GPR158: variants seen among roughly 807,000 people sequenced by gnomAD.
GPR158 encodes the protein G protein-coupled receptor 158, also known as metabotropic glycine receptor.
Under a neutral mutation model 78.2 loss-of-function variants are expected in GPR158, and 30 were observed. The ratio of observed to expected loss-of-function variants is 0.38; its 90% CI spans 0.29 to 0.52. The LOEUF is 0.52. Among genes scored for constraint, GPR158 ranks in the 20% least tolerant of loss-of-function variants. GPR158 has a pLI of 0.83. For missense variants in GPR158, 1,463 were observed against 1,523.5 expected (o/e 0.96, Z 0.66); for synonymous variants, 581 against 591.1 (o/e 0.98, Z 0.25).
intron 2 of GPR158, among the ~76,000 whole-genome samples, chr10:25,394,600 G>T (rs1564443636): frequency 6.6e-6 from 1 of 152,024 alleles, no homozygotes; most frequent in African/African-American, 2.4e-5. Context: ...ATTTTATTTT[G>T]CTCTGGGTTA....
At chr10:25,583,745 T>G (rs1480613841) in intron 7 of GPR158, among the ~76,000 whole-genome samples, 1 of 152,160 alleles carries the variant, frequency 6.6e-6, no homozygotes. Flanking sequence ...ACTTGAGAAA[T>G]AAAACCTAAA....
chr10:25,443,742 C>CT (rs34049159), intron 4 of GPR158, among the ~76,000 whole-genome samples: 27,489 of 149,822 alleles, frequency 0.18, 3,031 homozygotes, highest in African/African-American at 0.32. Context: ...CAATGCCCTT[C>CT]TTTTTTTTGG....
intron 5 of GPR158, among the ~76,000 whole-genome samples, chr10:25,520,693 A>T (rs1419264809): frequency 6.6e-6 from 1 of 152,006 alleles, no homozygotes; most frequent in African/African-American, 2.4e-5. Flanking sequence ...CTCGGGGGTC[A>T]GGGGTCAGGG....
At chr10:25,343,155 T>C (rs944244142) in intron 2 of GPR158, among the ~76,000 whole-genome samples, 4 of 151,956 alleles carry the variant, frequency 2.6e-5, no homozygotes, top group Admixed American at 2.6e-4. Context: ...GTATTAGAAA[T>C]GAATGTTGTT....
chr10:25,479,499 G>C (rs1170321132), intron 5 of GPR158, among the ~76,000 whole-genome samples: 1 of 151,950 alleles, frequency 6.6e-6, no homozygotes, highest in Admixed American at 6.6e-5. Flanking sequence ...ACTGCAACCT[G>C]TGCCTCCCGG....
chr10:25,548,225 A>C (rs1449292796), intron 5 of GPR158, among the ~76,000 whole-genome samples: 1 of 152,142 alleles, frequency 6.6e-6, no homozygotes, highest in African/African-American at 2.4e-5. Flanking sequence ...GCCCTTCTTC[A>C]ATTTTACATT....
chr10:25,401,553 C>G (rs923203810), intron 3 of GPR158, among the ~76,000 whole-genome samples: 3 of 152,072 alleles, frequency 2.0e-5, no homozygotes, highest in African/African-American at 7.2e-5. Flanking sequence ...CAAAAATCTT[C>G]CTTTTCCTCC....
intron 2 of GPR158, among the ~76,000 whole-genome samples, chr10:25,379,178 A>G (rs1056208529): frequency 2.0e-5 from 3 of 152,152 alleles, no homozygotes; most frequent in African/African-American, 7.2e-5. Flanking sequence ...TCTATCATCA[A>G]TATTAATTTA....
chr10:25,189,609 G>A (rs1011382915), intron 1 of GPR158, among the ~76,000 whole-genome samples: 2 of 151,948 alleles, frequency 1.3e-5, no homozygotes, highest in Non-Finnish European at 1.5e-5. Flanking sequence ...ACACAGGAAG[G>A]GGAACATCAC....
At chr10:25,319,427 T>C (rs1389117671) in intron 2 of GPR158, among the ~76,000 whole-genome samples, 2 of 152,148 alleles carry the variant, frequency 1.3e-5, no homozygotes, top group East Asian at 3.9e-4. Context: ...GTCTTCTACA[T>C]AATGGGTATT....
In GPR158 at chr10:25,448,388, C is replaced by T. The variant is rs1476429509; in HGVS notation, c.1336-18263C>T. On this transcript the variant is annotated intron_variant, in intron 4 of 10. Coordinates refer to ENST00000376351, the MANE Select transcript of GPR158 (RefSeq NM_020752.3). ...TACAGGCGTGAGCCACCACGGCTGG[C>T]CGTATCTGACTTCTTTAGTAGATAG... Among the ~76,000 whole-genome samples, 4 of 152,262 alleles carry T rather than the reference C, an allele frequency of 2.6e-5. No individual in the cohort carries two copies. The East Asian group carries it at 7.7e-4, about 29-fold the overall frequency.
rs200789915 is a variant in GPR158 at position 25,247,305 on chromosome 10, CTT to C, written c.1008+26158_1008+26159del. On this transcript the variant is annotated intron_variant, in intron 2 of 10. Coordinates refer to ENST00000376351, the MANE Select transcript of GPR158 (RefSeq NM_020752.3). Reference sequence around the variant, plus strand: ...TCATGGTTTTAAAATTCAATTTATTCTTTTTTTTTTTCTTTTTTTTTTATTAT... The same window carrying C: ...TCATGGTTTTAAAATTCAATTTATTCTTTTTTTTTCTTTTTTTTTTATTAT... Among the ~76,000 whole-genome samples the C allele has an allele frequency of 1.3e-4, 18 of 142,694 alleles. No homozygotes were observed. The East Asian group carries it at 1.6e-3, about 13-fold the overall frequency. The allele number at this position is 142,694 out of a possible 152,430, so 93.6% of individuals were successfully genotyped here.
chr10:25,340,794 C>T (rs1855291721), intron 2 of GPR158, among the ~76,000 whole-genome samples: 1 of 151,906 alleles, frequency 6.6e-6, no homozygotes, highest in Non-Finnish European at 1.5e-5. Context: ...GAGAATGAAA[C>T]AAAACCAATA....
chr10:25,342,129 A>G (rs1349252317), intron 2 of GPR158, among the ~76,000 whole-genome samples: 1 of 152,034 alleles, frequency 6.6e-6, no homozygotes, highest in Non-Finnish European at 1.5e-5. Flanking sequence ...TTAACCCTCT[A>G]AAAGAGCATG....
intron 2 of GPR158, among the ~76,000 whole-genome samples, chr10:25,333,933 C>T (rs1855162362): frequency 6.6e-6 from 1 of 152,074 alleles, no homozygotes; most frequent in African/African-American, 2.4e-5. Flanking sequence ...CAGACAGACT[C>T]CTCCGTGTAC....
intron 1 of GPR158, among the ~76,000 whole-genome samples, chr10:25,205,988 C>CTTTT (rs34835235): frequency 7.4e-6 from 1 of 135,530 alleles, no homozygotes; most frequent in South Asian, 2.3e-4. Flanking sequence ...GTGGGTCCCT[C>CTTTT]TTTTTTTTTT....
chr10:25,382,178 G>T (rs1002845629), intron 2 of GPR158, among the ~76,000 whole-genome samples: 1 of 152,202 alleles, frequency 6.6e-6, no homozygotes, highest in Non-Finnish European at 1.5e-5. Flanking sequence ...ATTTACGTTT[G>T]TCAAGCCTTT....
chr10:25,442,273 A>G (rs1835078307), intron 4 of GPR158, among the ~76,000 whole-genome samples: 1 of 152,186 alleles, frequency 6.6e-6, no homozygotes, highest in Admixed American at 6.5e-5. Flanking sequence ...AAACTAAATG[A>G]GCAGTTAAAC....
chr10:25,276,923 A>G (rs971102090), intron 2 of GPR158, among the ~76,000 whole-genome samples: 4 of 151,870 alleles, frequency 2.6e-5, no homozygotes, highest in Middle Eastern at 3.2e-3. Flanking sequence ...TCCCACATCC[A>G]GAGTATTACA....
Sources: gnomAD v4.1 joint callset for allele counts (sites outside exome capture counted in the v4.1 genomes callset) on GRCh38, gnomAD v4.1.1 for gene constraint, MANE v1.5 for transcripts, NCBI Gene and HGNC (gene_info 2026-07-23, HGNC 2026-07-21) for gene names.